The following MCTP1 variants were observed in gnomAD, a reference collection of about 807,000 sequenced individuals.
MCTP1 encodes multiple C2 and transmembrane domain-containing protein 1.
A neutral mutation model predicts 120.6 loss-of-function variants in MCTP1; 69 were observed. The ratio of observed to expected loss-of-function variants is 0.57; its 90% confidence interval spans 0.47 to 0.70. MCTP1 has a LOEUF of 0.70. Among genes scored for constraint, MCTP1 ranks in the 30% least tolerant of loss-of-function variants. MCTP1 has a pLI of 0.00. For missense variants in MCTP1, 1,203 were observed against 1,248.8 expected, an observed-to-expected ratio of 0.96 and a Z score of 0.55; for synonymous variants, 529 against 493.1, an observed-to-expected ratio of 1.07 and a Z score of -0.96.
intron 11 of MCTP1, among the ~76,000 whole-genome samples, chr5:94,894,256 G>A (rs542030519): frequency 6.6e-6 from 1 of 152,154 alleles, no homozygotes; most frequent in Non-Finnish European, 1.5e-5. Flanking sequence ...ACTAATTAAC[G>A]TAAGTACCAT....
intron 1 of MCTP1, among the ~76,000 whole-genome samples, chr5:95,148,898 A>C (rs1461468108): frequency 1.3e-5 from 2 of 152,192 alleles, no homozygotes; most frequent in Non-Finnish European, 2.9e-5. Flanking sequence ...TATGTTCAGC[A>C]TCTTTATTTG....
chr5:95,186,896 A>T (rs551736749), intron 1 of MCTP1, among the ~76,000 whole-genome samples: 1 of 152,326 alleles, frequency 6.6e-6, no homozygotes, highest in African/African-American at 2.4e-5. Flanking sequence ...AGTGGCTTTT[A>T]ATAAAGATGC....
intron 19 of MCTP1, among the ~76,000 whole-genome samples, chr5:94,752,850 G>A (rs1768821106): frequency 6.6e-6 from 1 of 152,220 alleles, no homozygotes; most frequent in African/African-American, 2.4e-5. Flanking sequence ...GATAACAGGT[G>A]TAAACAGGGA....
intron 1 of MCTP1, among the ~76,000 whole-genome samples, chr5:95,039,878 C>CA (rs57011733): frequency 1.8e-3 from 138 of 77,582 alleles, no homozygotes; most frequent in African/African-American, 3.9e-3. Context: ...GTACCGTTTG[C>CA]AAAAAAAAAA....
chr5:94,756,612 C>G lies in MCTP1; in HGVS notation c.2610+22498G>C, dbSNP rs184213826. Among the ~76,000 whole-genome samples the G allele has an allele frequency of 2.0e-5, 3 of 152,196 alleles. No homozygotes were observed. In the East Asian group the frequency reaches 5.8e-4, roughly 29 times the overall value. The stretch of plus-strand genomic sequence containing the variant: ...ATTCTAGCAATAGTAGATGCAATTC[C>G]GGTTAATTACGGGAGGTATAAATAT... On this transcript the variant is annotated intron_variant, in intron 19 of 22. Coordinates refer to ENST00000515393, the MANE Select transcript of MCTP1 (RefSeq NM_024717.7).
At chr5:95,135,307 T>A (rs1450546117) in intron 1 of MCTP1, among the ~76,000 whole-genome samples, 1 of 152,034 alleles carries the variant, frequency 6.6e-6, no homozygotes, top group Non-Finnish European at 1.5e-5. Flanking sequence ...ACTATGGTGG[T>A]GAATTGAGAA....
At chr5:95,109,393 A>G (rs1246989002) in intron 1 of MCTP1, among the ~76,000 whole-genome samples, 3 of 152,200 alleles carry the variant, frequency 2.0e-5, no homozygotes, top group Non-Finnish European at 4.4e-5. Flanking sequence ...CCTTTCTCTG[A>G]ATCTAAATTC....
chr5:94,733,346 G>A (rs1053926791), intron 19 of MCTP1, among the ~76,000 whole-genome samples: 1 of 152,168 alleles, frequency 6.6e-6, no homozygotes, highest in East Asian at 1.9e-4. Flanking sequence ...AATGTAATAA[G>A]TTATCCAGTG....
intron 15 of MCTP1, 60 bp from the exon 16 acceptor site, chr5:94,870,551 T>A: frequency 2.5e-6 from 3 of 1,214,892 alleles, no homozygotes; most frequent in Non-Finnish European, 3.6e-6. Context: ...TACAAGTTTT[T>A]CACGCAGTTC....
rs34561115 is a variant in MCTP1 at position 94,982,884 on chromosome 5, C to CAAAA, written c.839-29527_839-29524dup. On this transcript the variant is annotated intron_variant, in intron 2 of 22. Coordinates refer to ENST00000515393, the MANE Select transcript of MCTP1 (RefSeq NM_024717.7). ...ACCTGGGGGACAGAGCACACTTCATCAAAAAAAAAAAAAAAAAAAAAAAAA... is the reference window on the plus strand; with the variant it reads ...ACCTGGGGGACAGAGCACACTTCATCAAAAAAAAAAAAAAAAAAAAAAAAAAAAA... 1.2e-3 allele frequency among the ~76,000 whole-genome samples: 33 copies of CAAAA among 28,610 alleles called. 4 individuals are homozygous for CAAAA. Among genetic ancestry groups the CAAAA allele is most frequent in the African/African-American group, 1.6e-3 (20 of 12,188 alleles). The allele number at this position is 28,610 out of a possible 152,430, so 18.8% of individuals were successfully genotyped here. A position where few individuals can be genotyped will look rare whatever the true frequency, so the allele number is the denominator to read the frequency against.
chr5:94,863,638 T>C (rs1581092307), intron 17 of MCTP1, among the ~76,000 whole-genome samples: 1 of 152,010 alleles, frequency 6.6e-6, no homozygotes, highest in East Asian at 1.9e-4. Flanking sequence ...CGAAAGACAC[T>C]TTAGATGTCC....
In MCTP1 at chr5:95,261,894, A is replaced by G. The variant is rs151252895; in HGVS notation, c.720+21962T>C. Among the ~76,000 whole-genome samples, 580 of 152,334 alleles carry G rather than the reference A, an allele frequency of 3.8e-3. 5 individuals are homozygous for G. The highest frequency in any genetic ancestry group is 0.012 in the African/African-American group (504 of 41,566). On this transcript the variant is annotated intron_variant, in intron 1 of 22. Coordinates refer to ENST00000515393, the MANE Select transcript of MCTP1 (RefSeq NM_024717.7). Reference sequence around the variant, plus strand: ...GAAGTTAACCCACAATGTGGTTTCAAATGAGGCCTCCTTCAGTCCTACAGG... The same window carrying G: ...GAAGTTAACCCACAATGTGGTTTCAGATGAGGCCTCCTTCAGTCCTACAGG...
At chr5:95,121,997 T>C (rs566150) in intron 1 of MCTP1, among the ~76,000 whole-genome samples, 74,697 of 147,352 alleles carry the variant, frequency 0.51, 20,447 homozygotes, top group Non-Finnish European at 0.62. Context: ...AAAAATCAAA[T>C]CAAAATGAAT....
intron 1 of MCTP1, among the ~76,000 whole-genome samples, chr5:95,061,408 G>GTTTTTTTTTTTTTTT (rs556663513): frequency 6.0e-5 from 2 of 33,490 alleles, no homozygotes; most frequent in African/African-American, 9.8e-5. Context: ...CCCCTTAAGG[G>GTTTTTTTTTTTTTTT]TTTTTTTTTT....
At chr5:94,922,631 T>C (rs1217524181) in intron 7 of MCTP1, among the ~76,000 whole-genome samples, 4 of 152,048 alleles carry the variant, frequency 2.6e-5, no homozygotes, top group African/African-American at 7.2e-5. Context: ...TGGGATTACA[T>C]GCATGCGCCA....
intron 1 of MCTP1, among the ~76,000 whole-genome samples, chr5:95,203,018 C>T (rs371416436): frequency 6.6e-6 from 1 of 152,282 alleles, no homozygotes; most frequent in East Asian, 1.9e-4. Context: ...CATGAGCCAC[C>T]ACTCCCAGCT....
intron 17 of MCTP1, among the ~76,000 whole-genome samples, chr5:94,863,523 C>T (rs1394446696): frequency 6.6e-6 from 1 of 151,740 alleles, no homozygotes; most frequent in Non-Finnish European, 1.5e-5. Context: ...TTTCATTGTG[C>T]CTTAATGTGA....
chr5:94,716,671 A>G (rs548178349), intron 19 of MCTP1, among the ~76,000 whole-genome samples: 83 of 152,166 alleles, frequency 5.5e-4, no homozygotes, highest in Non-Finnish European at 1.1e-3. Flanking sequence ...GCTCAAAATT[A>G]TGTGAAAAAC....
At chr5:95,149,606 C>T (rs564796582) in intron 1 of MCTP1, among the ~76,000 whole-genome samples, 11 of 152,156 alleles carry the variant, frequency 7.2e-5, no homozygotes, top group Non-Finnish European at 1.2e-4. Context: ...AGGGCAGGGT[C>T]ACTGTGCTGG....
Sources: allele counts gnomAD v4.1 joint callset (sites outside exome capture counted in the v4.1 genomes callset), GRCh38; gene constraint gnomAD v4.1.1; transcripts MANE v1.5; gene names NCBI Gene and HGNC (gene_info 2026-07-23, HGNC 2026-07-21).